SH3GL3: variants seen among roughly 807,000 people sequenced by gnomAD.
SH3GL3 encodes the protein SH3 domain containing GRB2 like 3, endophilin A3, also known as endophilin-A3.
In SH3GL3, 33 loss-of-function variants were observed where a neutral mutation model predicts 47.7. The observed-to-expected ratio is 0.69, with a 90% confidence interval of 0.52 to 0.92. The LOEUF (loss-of-function observed/expected upper bound fraction) is 0.92, where lower values mean the gene tolerates loss of function less well. Ranked by LOEUF, SH3GL3 falls within the 40% of genes least tolerant of loss-of-function variation. The probability of loss-of-function intolerance (pLI) is 0.00; values close to 1 mark genes in which losing one functional copy is unlikely to be tolerated. For missense variants in SH3GL3, 363 were observed against 417.8 expected (o/e 0.87, Z 1.14); for synonymous variants, 155 against 148.8 (o/e 1.04, Z -0.30).
intron 1 of SH3GL3, among the ~76,000 whole-genome samples, chr15:83,543,366 C>T (rs1399743601): frequency 6.6e-6 from 1 of 151,822 alleles, no homozygotes; most frequent in Non-Finnish European, 1.5e-5. Context: ...CTTGTGTTGC[C>T]AAATTCAGTT....
chr15:83,500,821 C>T (rs1202296892), intron 1 of SH3GL3, among the ~76,000 whole-genome samples: 3 of 152,214 alleles, frequency 2.0e-5, no homozygotes, highest in Non-Finnish European at 2.9e-5. Flanking sequence ...CACCCTTTAT[C>T]CCACAATCCT....
intron 1 of SH3GL3, among the ~76,000 whole-genome samples, chr15:83,462,263 G>T (rs1036493981): frequency 6.6e-6 from 1 of 152,184 alleles, no homozygotes; most frequent in Non-Finnish European, 1.5e-5. Flanking sequence ...TCCCAAGGCC[G>T]TTGGAACAAG....
chr15:83,532,237 G>T (rs1567309043), intron 1 of SH3GL3, among the ~76,000 whole-genome samples: 1 of 152,190 alleles, frequency 6.6e-6, no homozygotes, highest in Non-Finnish European at 1.5e-5. Context: ...GCAATTGGAT[G>T]TGAAAAAATT....
At chr15:83,457,019 A>G (rs1034501469) in intron 1 of SH3GL3, among the ~76,000 whole-genome samples, 11 of 152,222 alleles carry the variant, frequency 7.2e-5, no homozygotes, top group African/African-American at 2.7e-4. Context: ...AATATAGCTT[A>G]CAATATTTAC....
intron 3 of SH3GL3, 185 bp downstream of exon 3, chr15:83,565,391 A>C: frequency 1.8e-6 from 1 of 559,232 alleles, no homozygotes; most frequent in South Asian, 2.2e-5. Flanking sequence ...TGAGAAAGAG[A>C]ACAGCTATTT....
At chr15:83,566,365 A>AGAGTGTGT (rs1459069703) in intron 3 of SH3GL3, among the ~76,000 whole-genome samples, 133 of 136,682 alleles carry the variant, frequency 9.7e-4, no homozygotes, top group Middle Eastern at 4.0e-3. Context: ...AGAGAGAGAG[A>AGAGTGTGT]GTGTGTGTGT....
chr15:83,596,378 A>G (rs2060237723), intron 8 of SH3GL3, among the ~76,000 whole-genome samples: 1 of 152,202 alleles, frequency 6.6e-6, no homozygotes, highest in South Asian at 2.1e-4. Flanking sequence ...ATAAATGTCA[A>G]TTAGGTCAAA....
downstream of SH3GL3, among the ~76,000 whole-genome samples, chr15:83,620,056 T>C (rs1157280390): frequency 6.6e-6 from 1 of 152,230 alleles, no homozygotes; most frequent in Non-Finnish European, 1.5e-5. Flanking sequence ...TTTGTTCAAC[T>C]GTAAGAAGCA....
chr15:83,629,689 A>G, the SH3GL3 span, among the ~76,000 whole-genome samples: 1 of 152,128 alleles, frequency 6.6e-6, no homozygotes, highest in Non-Finnish European at 1.5e-5. Flanking sequence ...GTACGGTGGC[A>G]TGCACCTATA....
chr15:83,556,167 A>G (rs1310263176), intron 1 of SH3GL3, among the ~76,000 whole-genome samples: 1 of 121,182 alleles, frequency 8.3e-6, no homozygotes, highest in Non-Finnish European at 1.8e-5. Context: ...GGTGCCCTGT[A>G]GGAATCACGT....
intron 1 of SH3GL3, among the ~76,000 whole-genome samples, chr15:83,525,095 T>TA (rs1187963628): frequency 7.2e-5 from 11 of 152,342 alleles, no homozygotes; most frequent in Middle Eastern, 3.4e-3. Context: ...CTGTTTTCCA[T>TA]AATGGCTGTA....
At chr15:83,543,901 C>G (rs990431080) in intron 1 of SH3GL3, among the ~76,000 whole-genome samples, 7 of 151,902 alleles carry the variant, frequency 4.6e-5, no homozygotes, top group Admixed American at 4.6e-4. Context: ...TTTGGGTCTT[C>G]TCTCTTTTTC....
At chr15:83,525,470 T>C (rs781253493) in intron 1 of SH3GL3, among the ~76,000 whole-genome samples, 1 of 152,070 alleles carries the variant, frequency 6.6e-6, no homozygotes, top group Non-Finnish European at 1.5e-5. Flanking sequence ...ATTCAACAGG[T>C]TGCCTCTTCA....
intron 1 of SH3GL3, among the ~76,000 whole-genome samples, chr15:83,504,396 A>T (rs1247280727): frequency 6.6e-6 from 1 of 152,182 alleles, no homozygotes; most frequent in African/African-American, 2.4e-5. Flanking sequence ...CTTCATACCC[A>T]CCCAGGATTG....
At chr15:83,450,804 A>ATTTTTTTTTTT (rs34099509) in intron 1 of SH3GL3, among the ~76,000 whole-genome samples, 8 of 58,786 alleles carry the variant, frequency 1.4e-4, no homozygotes, top group African/African-American at 1.6e-4. Flanking sequence ...TTTTTTTTTA[A>ATTTTTTTTTTT]TTTTTTTTTT....
rs545170287 is a variant in SH3GL3 at position 83,468,095 on chromosome 15, G to C, written c.45+20517G>C. ...TCTGCCCGCCTTGGCCTCCCAAAGT[G>C]CTGGGATTACAGGCATGAGCCACTG... On this transcript the variant is annotated intron_variant, in intron 1 of 8. Coordinates refer to ENST00000427482, the MANE Select transcript of SH3GL3 (RefSeq NM_003027.5). Among the ~76,000 whole-genome samples, 6 of 152,320 alleles carry C rather than the reference G, an allele frequency of 3.9e-5. No individual in the cohort carries two copies. In the South Asian group the frequency reaches 1.2e-3, roughly 32 times the overall value.
intron 4 of SH3GL3, among the ~76,000 whole-genome samples, chr15:83,571,936 A>G (rs1481068860): frequency 6.6e-6 from 1 of 152,004 alleles, no homozygotes; most frequent in East Asian, 1.9e-4. Context: ...TCCAGGAAAA[A>G]CTACCTGCCA....
chr15:83,472,279 T>G (rs2040866593), intron 1 of SH3GL3, among the ~76,000 whole-genome samples: 1 of 152,236 alleles, frequency 6.6e-6, no homozygotes, highest in Non-Finnish European at 1.5e-5. Context: ...CACTGTTTCT[T>G]TGAGTGCTTT....
At chr15:83,535,452 A>G (rs536892260) in intron 1 of SH3GL3, among the ~76,000 whole-genome samples, 1 of 152,298 alleles carries the variant, frequency 6.6e-6, no homozygotes, top group East Asian at 1.9e-4. Flanking sequence ...CATTGTCCTT[A>G]TCAGGCCTAG....
Sources: allele counts gnomAD v4.1 joint callset (sites outside exome capture counted in the v4.1 genomes callset), GRCh38; gene constraint gnomAD v4.1.1; transcripts MANE v1.5; gene names NCBI Gene and HGNC (gene_info 2026-07-23, HGNC 2026-07-21).